Variants in MCTP1 observed in about 807,000 individuals in gnomAD.
MCTP1 encodes multiple C2 and transmembrane domain containing 1.
A neutral mutation model predicts 120.6 loss-of-function variants in MCTP1; 69 were observed. That is an observed-to-expected ratio of 0.57 (90% CI 0.47 to 0.70). MCTP1 has a LOEUF of 0.70. Ranked by LOEUF, MCTP1 falls within the 30% of genes least tolerant of loss-of-function variation. The pLI is 0.00. For synonymous variants in MCTP1, 529 were observed against 493.1 expected, an observed-to-expected ratio of 1.07 and a Z score of -0.96; for missense variants, 1,203 against 1,248.8, an observed-to-expected ratio of 0.96 and a Z score of 0.55.
intron 1 of MCTP1, among the ~76,000 whole-genome samples, chr5:95,054,677 C>T (rs1342903272): frequency 6.6e-6 from 1 of 152,124 alleles, no homozygotes; most frequent in Non-Finnish European, 1.5e-5. Context: ...GTGAAAAAGA[C>T]CATAATGGGT....
chr5:94,876,178 GA>G (rs1439321250), intron 12 of MCTP1, among the ~76,000 whole-genome samples: 1 of 152,136 alleles, frequency 6.6e-6, no homozygotes, highest in Non-Finnish European at 1.5e-5. Flanking sequence ...TGGCTTTTCA[GA>G]CCTAAATTTT....
rs1483457664 is a variant in MCTP1, at chr5:95,169,168, C to T, written c.720+114688G>A. Among the ~76,000 whole-genome samples the T allele has an allele frequency of 2.6e-5, 4 of 152,218 alleles. No homozygotes were observed. The East Asian group carries it at 5.8e-4, about 22-fold the overall frequency. Reference sequence around the variant, plus strand: ...TTTGAGATAATCATGTGGTTTTTGTCTTTGGTTCTGTTTATATGCTGGATT... The same window carrying T: ...TTTGAGATAATCATGTGGTTTTTGTTTTTGGTTCTGTTTATATGCTGGATT... On this transcript the variant is annotated intron_variant, in intron 1 of 22. Coordinates refer to ENST00000515393, the MANE Select transcript of MCTP1 (RefSeq NM_024717.7).
Position 94,942,430 on chromosome 5 carries a change from G to A in MCTP1, c.982-3C>T, listed in dbSNP as rs1478547443. ...AGTCCAAAATCATAGTCAAATACCT[G>A]AGATGCCAAAGAGAAAAAGCCTTGT... On this transcript the variant is annotated splice_region_variant and splice_polypyrimidine_tract_variant and intron_variant, in intron 3 of 22. Coordinates refer to ENST00000515393, the MANE Select transcript of MCTP1 (RefSeq NM_024717.7). The A allele has an allele frequency of 6.2e-7, 1 of 1,600,036 alleles. No individual in the cohort carries two copies. Among genetic ancestry groups the A allele is most frequent in the African/African-American group, 1.3e-5 (1 of 74,688 alleles).
intron 2 of MCTP1, among the ~76,000 whole-genome samples, chr5:94,990,051 T>C (rs1396161114): frequency 6.6e-6 from 1 of 152,172 alleles, no homozygotes; most frequent in Non-Finnish European, 1.5e-5. Flanking sequence ...TTCTAGTGAA[T>C]TACTGAACCC....
rs566739249 is a variant in MCTP1 at position 94,825,880 on chromosome 5, A to T, written c.2437-26748T>A. Reference sequence around the variant, plus strand: ...TTCGATCTTTGTTAGTTTAACATCTATTTTTTTTTTTTCAATTTGAGAGCA... The same window carrying T: ...TTCGATCTTTGTTAGTTTAACATCTTTTTTTTTTTTTTCAATTTGAGAGCA... On this transcript the variant is annotated intron_variant, in intron 17 of 22. Coordinates refer to ENST00000515393, the MANE Select transcript of MCTP1 (RefSeq NM_024717.7). The T allele has an allele frequency of 3.7e-4, 59 of 157,870 alleles. 1 individual carries two copies. The highest frequency in any genetic ancestry group is 8.7e-4 in the African/African-American group (34 of 38,964). The allele number at this position is 157,870 out of a possible 1,614,324, so 9.8% of individuals were successfully genotyped here. A position where few individuals can be genotyped will look rare whatever the true frequency, so the allele number is the denominator to read the frequency against.
intron 1 of MCTP1, 117 bp downstream of exon 1, chr5:95,283,739 A>T: frequency 1.4e-6 from 1 of 730,206 alleles, no homozygotes; most frequent in Non-Finnish European, 2.0e-6. Flanking sequence ...ACTTAGAATT[A>T]ATAGCATTTC....
intron 10 of MCTP1, among the ~76,000 whole-genome samples, chr5:94,900,045 G>A (rs909454873): frequency 5.9e-5 from 9 of 152,118 alleles, no homozygotes; most frequent in Admixed American, 3.3e-4. Flanking sequence ...CTATTTACGA[G>A]ATATCCTTAG....
Position 95,284,697 on chromosome 5 carries a change from C to T in MCTP1, c.-122G>A, listed in dbSNP as rs2152750358. 1.2e-6 allele frequency: 1 copy of T among 812,874 alleles called. No homozygotes were observed. Among genetic ancestry groups the T allele is most frequent in the Non-Finnish European group, 1.8e-6 (1 of 568,858 alleles). The allele number at this position is 812,874 out of a possible 1,614,324, so 50.4% of individuals were successfully genotyped here. On this transcript the variant is annotated 5_prime_UTR_variant, in exon 1 of 23. Transcript: ENST00000515393. This position sits in a 1 kb window ranked among gnomAD's most constrained non-coding sequence, Gnocchi z 5.2. ...CTGGCGGTGGCGGCGGCGGCGGCGGCGGGCGCAGCAGCAGAAACCGGGAGT... is the reference window on the plus strand; with the variant it reads ...CTGGCGGTGGCGGCGGCGGCGGCGGTGGGCGCAGCAGCAGAAACCGGGAGT...
chr5:94,943,029 C>T (rs1250535215), intron 3 of MCTP1, among the ~76,000 whole-genome samples: 1 of 152,046 alleles, frequency 6.6e-6, no homozygotes, highest in Non-Finnish European at 1.5e-5. Flanking sequence ...TATCAATACT[C>T]TATCCAGTAT....
chr5:95,211,563 G>A (rs530043626), intron 1 of MCTP1, among the ~76,000 whole-genome samples: 2 of 152,220 alleles, frequency 1.3e-5, no homozygotes, highest in African/African-American at 4.8e-5. Context: ...GGTTATTCTA[G>A]TTATACATTC....
rs577972900 is a variant in MCTP1 at position 94,926,444 on chromosome 5, C to T, written c.1213-2423G>A. Among the ~76,000 whole-genome samples, 186 of 152,190 alleles carry T rather than the reference C, an allele frequency of 1.2e-3. No homozygotes were observed. In the Middle Eastern group the frequency reaches 0.014, roughly 11 times the overall value. On this transcript the variant is annotated intron_variant, in intron 6 of 22. Transcript: ENST00000515393. ...AACTTTCCTGGTCAGATTGCAATCA[C>T]TGTTCATCAAAACAATGGCTCTTGG...
At chr5:95,005,078 T>C (rs1834436602) in intron 2 of MCTP1, among the ~76,000 whole-genome samples, 1 of 152,182 alleles carries the variant, frequency 6.6e-6, no homozygotes, top group Non-Finnish European at 1.5e-5. Flanking sequence ...GCATCAGTCT[T>C]CCCTGGATGT....
intron 6 of MCTP1, chr5:94,929,529 C>G: frequency 1.7e-6 from 1 of 590,440 alleles, no homozygotes. Flanking sequence ...TGTACTCAGA[C>G]AAGAATTTTT....
intron 1 of MCTP1, among the ~76,000 whole-genome samples, chr5:95,075,475 T>C (rs1753300249): frequency 1.3e-5 from 2 of 152,110 alleles, no homozygotes; most frequent in Admixed American, 1.3e-4. Flanking sequence ...GTAAAAATAA[T>C]CTCTCACGAA....
chr5:94,741,545 A>G (rs1765537677), intron 19 of MCTP1, among the ~76,000 whole-genome samples: 1 of 152,230 alleles, frequency 6.6e-6, no homozygotes, highest in African/African-American at 2.4e-5. Flanking sequence ...AAAAGAGGAA[A>G]CAGGCAAGCT....
At chr5:95,070,261 G>C (rs1166146173) in intron 1 of MCTP1, among the ~76,000 whole-genome samples, 1 of 152,228 alleles carries the variant, frequency 6.6e-6, no homozygotes, top group East Asian at 1.9e-4. Context: ...CTCACCCTCT[G>C]AGGAAGGAGC....
At chr5:95,022,254 A>C (rs1838339948) in intron 1 of MCTP1, among the ~76,000 whole-genome samples, 1 of 152,196 alleles carries the variant, frequency 6.6e-6, no homozygotes, top group African/African-American at 2.4e-5. Context: ...CACCAACCTA[A>C]CTGAAGCCTA....
chr5:95,105,844 G>A (rs534558928), intron 1 of MCTP1, among the ~76,000 whole-genome samples: 1 of 152,118 alleles, frequency 6.6e-6, no homozygotes, highest in Admixed American at 6.5e-5. Context: ...AAAATATGAT[G>A]ATTAAGCCTT....
At chr5:94,816,812 T>C (rs373408134) in intron 17 of MCTP1, among the ~76,000 whole-genome samples, 3 of 152,130 alleles carry the variant, frequency 2.0e-5, no homozygotes, top group Non-Finnish European at 4.4e-5. Flanking sequence ...TTCAAGATTG[T>C]ATGAAAAAAT....
Sources: allele counts gnomAD v4.1 joint callset (sites outside exome capture counted in the v4.1 genomes callset), GRCh38; gene constraint gnomAD v4.1.1; non-coding constraint Gnocchi (gnomAD v3.1); transcripts MANE v1.5; gene names NCBI Gene and HGNC (gene_info 2026-07-23, HGNC 2026-07-21).